Variants in UBE2D2 observed in about 807,000 individuals in gnomAD.
The protein encoded by UBE2D2 is ubiquitin-conjugating enzyme E2 D2.
Under a neutral mutation model 24.2 loss-of-function variants are expected in UBE2D2, and 2 were observed. That is an observed-to-expected ratio of 0.08 (90% CI 0.03 to 0.26). The LOEUF (loss-of-function observed/expected upper bound fraction) is 0.26. Ranked by LOEUF, UBE2D2 falls within the 10% of genes least tolerant of loss-of-function variation. The pLI, the probability that UBE2D2 is intolerant of heterozygous loss-of-function variation, is 1.00. For missense variants in UBE2D2, 44 were observed against 177.6 expected (o/e 0.25, Z 4.28); for synonymous variants, 58 against 56.5 (o/e 1.03, Z -0.12).
chr5:139,560,185 C>G (rs578000637), upstream of UBE2D2, among the ~76,000 whole-genome samples: 16 of 147,826 alleles, frequency 1.1e-4, no homozygotes. Flanking sequence ...AGGAACCTGC[C>G]ACCACTCTCG....
At chr5:139,550,949 C>T (rs1434333446) in intron 1 of UBE2D2, among the ~76,000 whole-genome samples, 3 of 152,156 alleles carry the variant, frequency 2.0e-5, no homozygotes, top group African/African-American at 7.2e-5. Context: ...CCCACCAATT[C>T]CAGATACACC....
Position 139,627,544 on chromosome 5 carries a change from C to T in UBE2D2, c.*743C>T, listed in dbSNP as rs1754658501. 6.6e-6 allele frequency: 1 copy of T among 152,562 alleles called. No homozygotes were observed. The highest frequency in any genetic ancestry group is 6.6e-5 in the Admixed American group (1 of 15,266). The allele number at this position is 152,562 out of a possible 1,614,324, so 9.5% of individuals were successfully genotyped here. On this transcript the variant is annotated 3_prime_UTR_variant, in exon 7 of 7. Transcript: ENST00000398733. Reference sequence around the variant, plus strand: ...GCTCTTATTTTTCTTATGTTTTTAACCGCTTAGGTCTATTTGGATGTAAGG... The same window carrying T: ...GCTCTTATTTTTCTTATGTTTTTAATCGCTTAGGTCTATTTGGATGTAAGG...
chr5:139,558,082 C>A (rs1395784642), upstream of UBE2D2, among the ~76,000 whole-genome samples: 1 of 151,356 alleles, frequency 6.6e-6, no homozygotes, highest in African/African-American at 2.4e-5. Flanking sequence ...ACAGTGACCC[C>A]ATCTCAAGAA....
intron 1 of UBE2D2, among the ~76,000 whole-genome samples, chr5:139,567,805 A>T (rs1270514287): frequency 6.6e-6 from 1 of 152,104 alleles, no homozygotes; most frequent in Non-Finnish European, 1.5e-5. Context: ...AAGTGCTGGG[A>T]TTACAGGCGT....
chr5:139,585,494 C>T (rs1561511514), intron 1 of UBE2D2, among the ~76,000 whole-genome samples: 1 of 152,048 alleles, frequency 6.6e-6, no homozygotes, highest in Non-Finnish European at 1.5e-5. Context: ...TCTCAAAGTG[C>T]TGGGATTATA....
At chr5:139,586,043 A>C (rs1466804082) in intron 1 of UBE2D2, among the ~76,000 whole-genome samples, 1 of 151,840 alleles carries the variant, frequency 6.6e-6, no homozygotes, top group African/African-American at 2.4e-5. Flanking sequence ...TCCTAGGAAA[A>C]GGAGGCCCAT....
chr5:139,608,029 AAAACTT>A (rs1470868717), intron 2 of UBE2D2, among the ~76,000 whole-genome samples: 1 of 152,202 alleles, frequency 6.6e-6, no homozygotes, highest in East Asian at 1.9e-4. Context: ...AAAAAAAAAA[AAAACTT>A]AAATATACAA....
intron 5 of UBE2D2, among the ~76,000 whole-genome samples, chr5:139,622,184 C>T (rs761597891): frequency 6.6e-6 from 1 of 151,986 alleles, no homozygotes; most frequent in Non-Finnish European, 1.5e-5. Context: ...TCTGGGAGAC[C>T]AAGATGTCAT....
At chr5:139,598,552 CTTT>C (rs746165110) in intron 1 of UBE2D2, among the ~76,000 whole-genome samples, 1 of 104,952 alleles carries the variant, frequency 9.5e-6, no homozygotes, top group Non-Finnish European at 1.9e-5. Context: ...ACTACAAAGC[CTTT>C]TTTTTTTTTT....
intron 1 of UBE2D2, among the ~76,000 whole-genome samples, chr5:139,582,309 C>A (rs1331319678): frequency 6.6e-6 from 1 of 151,552 alleles, no homozygotes; most frequent in Non-Finnish European, 1.5e-5. Flanking sequence ...GTTGCCCAGG[C>A]CGGAGTGCAG....
intron 2 of UBE2D2, among the ~76,000 whole-genome samples, chr5:139,607,440 C>A (rs976243773): frequency 1.3e-5 from 2 of 152,078 alleles, no homozygotes; most frequent in African/African-American, 4.8e-5. Context: ...TAGTAATTTT[C>A]TTCTTCCTTT....
At chr5:139,569,481 T>C (rs1008875750) in intron 1 of UBE2D2, among the ~76,000 whole-genome samples, 2 of 152,204 alleles carry the variant, frequency 1.3e-5, no homozygotes, top group Non-Finnish European at 2.9e-5. Context: ...ATCTGACTCA[T>C]GCCTCATGCT....
chr5:139,559,037 G>A (rs1363340873), upstream of UBE2D2, among the ~76,000 whole-genome samples: 3 of 152,044 alleles, frequency 2.0e-5, no homozygotes, highest in Non-Finnish European at 4.4e-5. Context: ...CTGAGTTCAA[G>A]TGATCTTCCC....
At chr5:139,608,842 T>G (rs2126695171) in intron 2 of UBE2D2, among the ~76,000 whole-genome samples, 1 of 152,330 alleles carries the variant, frequency 6.6e-6, no homozygotes, top group Middle Eastern at 3.4e-3. Context: ...CTCAGCACTT[T>G]GGGAGGCCAG....
intron 2 of UBE2D2, among the ~76,000 whole-genome samples, chr5:139,607,406 G>T (rs1430563165): frequency 6.6e-6 from 1 of 152,128 alleles, no homozygotes; most frequent in Admixed American, 6.6e-5. Context: ...GAGCCATAAA[G>T]ATTATTTGTC....
At chr5:139,547,142 T>G (rs988436755) in intron 1 of UBE2D2, among the ~76,000 whole-genome samples, 12 of 151,486 alleles carry the variant, frequency 7.9e-5, no homozygotes, top group Admixed American at 2.0e-4. Context: ...TACAAAAAAA[T>G]TAGACAGGCG....
In UBE2D2 at chr5:139,572,684, T is replaced by A. The variant is rs376001820; in HGVS notation, c.24+10869T>A. 1.7e-4 allele frequency among the ~76,000 whole-genome samples: 26 copies of A among 151,540 alleles called. No individual in the cohort carries two copies. The South Asian group carries it at 5.2e-3, about 31-fold the overall frequency. Reference sequence around the variant, plus strand: ...TTTTTGAGACAGAGACTTGCTCTGTTGCCCAGGCTGTAGTGCAATGGCGTG... The same window carrying A: ...TTTTTGAGACAGAGACTTGCTCTGTAGCCCAGGCTGTAGTGCAATGGCGTG... On this transcript the variant is annotated intron_variant, in intron 1 of 6. Transcript: ENST00000398733.
At chr5:139,577,663 C>T (rs1383922674) in intron 1 of UBE2D2, among the ~76,000 whole-genome samples, 7 of 152,124 alleles carry the variant, frequency 4.6e-5, no homozygotes, top group Non-Finnish European at 1.0e-4. Context: ...ATCTACCTGC[C>T]TTGGCCTCCC....
At chr5:139,571,231 AC>A (rs2126655244) in intron 1 of UBE2D2, among the ~76,000 whole-genome samples, 2 of 152,004 alleles carry the variant, frequency 1.3e-5, no homozygotes, top group East Asian at 3.9e-4. Context: ...ACATGGTGAA[AC>A]CCCATCTCTA....
Sources: gnomAD v4.1 joint callset for allele counts (sites outside exome capture counted in the v4.1 genomes callset) on GRCh38, gnomAD v4.1.1 for gene constraint, MANE v1.5 for transcripts, NCBI Gene and HGNC (gene_info 2026-07-23, HGNC 2026-07-21) for gene names.